The following ASB2 variants were observed in gnomAD, a reference collection of about 807,000 sequenced individuals.
ASB2 encodes the protein ankyrin repeat and SOCS box containing 2.
Under a neutral mutation model 62.4 loss-of-function variants are expected in ASB2, and 58 were observed. The observed-to-expected ratio is 0.93, with a 90% CI of 0.75 to 1.16. The LOEUF (loss-of-function observed/expected upper bound fraction) is 1.16. Ranked by LOEUF, ASB2 falls within the 50% of genes most tolerant of loss-of-function variation. ASB2 has a pLI of 0.00. For missense variants in ASB2, 928 were observed against 887.9 expected (o/e 1.05, Z -0.57); for synonymous variants, 386 against 385.3 (o/e 1.00, Z -0.02).
At position 93,956,795 on chromosome 14, in the gene ASB2, G is replaced by A. The variant is rs767356431; in HGVS notation, c.282C>T (p.Ser94=). Residue 94 remains serine, a synonymous_variant, in exon 3 of 10, where the codon AGC becomes AGT. Transcript: ENST00000555019. The part of the protein sequence containing the change: ...GLFQGVMQKY[S]SSLFKTSQLA... ...GCTGGGAGGTCTTGAACAAGCTGCTGCTGTATTTCTGCATGACCCCTTGGA... is the reference window on the plus strand; with the variant it reads ...GCTGGGAGGTCTTGAACAAGCTGCTACTGTATTTCTGCATGACCCCTTGGA... The A allele has an allele frequency of 5.0e-6, 8 of 1,614,222 alleles. No individual in the cohort carries two copies. In the African/African-American group the frequency reaches 5.3e-5, roughly 11 times the overall value.
intron 9 of ASB2, 45 bp downstream of exon 9, chr14:93,937,653 A>C (rs769471699): frequency 7.5e-5 from 119 of 1,581,860 alleles, no homozygotes; most frequent in Non-Finnish European, 9.4e-5. Flanking sequence ...ACTCTGAGTC[A>C]GGCAGGGAGA....
At chr14:93,939,022 C>G in intron 8 of ASB2, 86 bp downstream of exon 8, 1 of 1,243,764 alleles carries the variant, frequency 8.0e-7, no homozygotes, top group East Asian at 2.9e-5. Flanking sequence ...CGCGAACCAC[C>G]CGGCCCCGCC....
chr14:93,934,700 G>A lies in ASB2; in HGVS notation c.1864C>T (p.Pro622Ser). ...TTCAGGTATCTAATCAGCCTGCCTG[G>A]GAGCGGCAAGGTGTCTAGGAGTTTT... The part of the protein sequence containing the change: ...RIKLLDTLPL[P>S]GRLIRYLKYE... The change falls in exon 10 of 10, where the codon CCA becomes TCA. Residue 622 changes from proline (P) to serine (S), a missense_variant. Transcript: ENST00000555019. The A allele has an allele frequency of 5.6e-6, 9 of 1,614,146 alleles. No homozygotes were observed. The highest frequency in any genetic ancestry group is 7.6e-6 in the Non-Finnish European group (9 of 1,179,980).
chr14:93,957,356 C>A (rs552114914), intron 2 of ASB2: 1 of 1,026,126 alleles, frequency 9.7e-7, no homozygotes, highest in Non-Finnish European at 1.2e-6. Context: ...CTGTGCCCCC[C>A]ACGCCCACCT....
chr14:93,942,197 C>T (rs1166301769), intron 7 of ASB2: 1 of 455,982 alleles, frequency 2.2e-6, no homozygotes, highest in Non-Finnish European at 4.4e-6. Flanking sequence ...ACTTCTCCCA[C>T]AGGCACGTTT....
At position 93,939,363 on chromosome 14, in the gene ASB2, C is replaced by T; in HGVS notation, c.1362G>A (p.Leu454=). The T allele has an allele frequency of 6.2e-7, 1 of 1,612,812 alleles. No homozygotes were observed. Among genetic ancestry groups the T allele is most frequent in the South Asian group, 1.1e-5 (1 of 91,022 alleles). ...GGTCCAGCAGCAGCTGCATTGTGCG[C>T]AGGCAGCCGTGGCGGATGGCCACGA... is the stretch of plus-strand genomic sequence containing the variant. The part of the protein sequence containing the change: ...PLLVAIRHGC[L]RTMQLLLDHG... The change falls in exon 8 of 10, where the codon CTG becomes CTA. Residue 454 remains leucine (L), a synonymous_variant. Transcript: ENST00000555019.
chr14:93,953,210 A>G, intron 5 of ASB2, 142 bp downstream of exon 5: 1 of 730,460 alleles, frequency 1.4e-6, no homozygotes, highest in East Asian at 2.7e-5. Flanking sequence ...ACATGCAGGA[A>G]TGAATGATTC....
chr14:93,939,529 A>G lies in ASB2; in HGVS notation c.1196T>C (p.Leu399Pro). The change falls in exon 8 of 10, where the codon CTG becomes CCG. Residue 399 changes from leucine to proline, a missense_variant. Transcript: ENST00000555019. ...GTAGAGGCGCGCGCGCTCGGGGGCC[A>G]GCGGCGTGTTCACGTCGAAGCGCGC... ...LSARFDVNTP[L>P]APERARLYED... 6.2e-7 allele frequency: 1 copy of G among 1,604,154 alleles called. No individual in the cohort carries two copies. The highest frequency in any genetic ancestry group is 1.1e-5 in the South Asian group (1 of 90,422).
chr14:93,976,551 G>A lies in ASB2; in HGVS notation c.-191C>T, dbSNP rs986084054. The A allele has an allele frequency of 6.6e-6, 1 of 152,222 alleles. No homozygotes were observed. The highest frequency in any genetic ancestry group is 2.4e-5 in the African/African-American group (1 of 41,450). 9.4% of individuals were successfully genotyped at this position (152,222 alleles called of 1,614,324 possible). ...CTTCTGCCCTGGCCCCAAGCTTCTG[G>A]CTGCTCTGCCAGGCAGTTCTGAAAC... On this transcript the variant is annotated 5_prime_UTR_variant, in exon 1 of 10. Transcript: ENST00000555019.
chr14:93,970,187 A>T (rs528662192), intron 1 of ASB2, among the ~76,000 whole-genome samples: 1 of 152,254 alleles, frequency 6.6e-6, no homozygotes, highest in Non-Finnish European at 1.5e-5. Flanking sequence ...CAGATGTCTT[A>T]GCAGAAAACT....
chr14:93,953,629 C>G, intron 4 of ASB2, 122 bp from the exon 5 acceptor site: 1 of 864,486 alleles, frequency 1.2e-6, no homozygotes. Context: ...AATTTACCAA[C>G]TACAGACTGC....
chr14:93,946,920 G>C lies in ASB2; in HGVS notation c.1052+429C>G, dbSNP rs944009659. Among the ~76,000 whole-genome samples, 6 of 152,300 alleles carry C rather than the reference G, an allele frequency of 3.9e-5. No individual in the cohort carries two copies. In the East Asian group the frequency reaches 1.2e-3, roughly 29 times the overall value. ...GCTCAGACTCATATCTGCCCCCCAGGATAGAATTCCTGTAGCTGTGACCTT... is the reference window on the plus strand; with the variant it reads ...GCTCAGACTCATATCTGCCCCCCAGCATAGAATTCCTGTAGCTGTGACCTT... On this transcript the variant is annotated intron_variant, in intron 7 of 9. Coordinates refer to ENST00000555019, the MANE Select transcript of ASB2 (RefSeq NM_001202429.2).
chr14:93,943,261 C>A (rs1888599911), intron 7 of ASB2, among the ~76,000 whole-genome samples: 1 of 152,252 alleles, frequency 6.6e-6, no homozygotes, highest in Non-Finnish European at 1.5e-5. Context: ...ACCACCACAA[C>A]TGCAGCCTAC....
At chr14:93,973,292 A>G (rs118013187) in intron 1 of ASB2, among the ~76,000 whole-genome samples, 2 of 152,196 alleles carry the variant, frequency 1.3e-5, no homozygotes, top group African/African-American at 4.8e-5. Flanking sequence ...TGCTGATCCA[A>G]ATCTTGGTGA....
chr14:93,939,494 G>T lies in ASB2; in HGVS notation c.1231C>A (p.Arg411Ser), dbSNP rs757932080. The T allele has an allele frequency of 1.2e-6, 2 of 1,610,898 alleles. No homozygotes were observed. Among genetic ancestry groups the T allele is most frequent in the Non-Finnish European group, 1.7e-6 (2 of 1,178,986 alleles). ...ACCGCGAAGTACAGCGCGGAGCTGCGCCGGTCTTCGTAGAGGCGCGCGCGC... is the reference window on the plus strand; with the variant it reads ...ACCGCGAAGTACAGCGCGGAGCTGCTCCGGTCTTCGTAGAGGCGCGCGCGC... ...PERARLYEDR[R>S]SSALYFAVVN... The change falls in exon 8 of 10, where the codon CGC becomes AGC. Residue 411 changes from arginine to serine, a missense_variant. Transcript: ENST00000555019.
chr14:93,943,513 G>A (rs1888610109), intron 7 of ASB2, among the ~76,000 whole-genome samples: 1 of 152,180 alleles, frequency 6.6e-6, no homozygotes, highest in African/African-American at 2.4e-5. Flanking sequence ...GCACAGTGGT[G>A]GACACCTGTA....
intron 2 of ASB2, among the ~76,000 whole-genome samples, chr14:93,957,582 A>T (rs1030286736): frequency 6.6e-6 from 1 of 152,166 alleles, no homozygotes; most frequent in Non-Finnish European, 1.5e-5. Context: ...AGGTGGCATG[A>T]AAACAGCCTG....
chr14:93,937,325 G>C (rs1277924116), intron 9 of ASB2, among the ~76,000 whole-genome samples: 2 of 152,124 alleles, frequency 1.3e-5, no homozygotes, highest in Admixed American at 1.3e-4. Context: ...AGACATCCTA[G>C]ACCACCATCC....
At chr14:93,940,860 A>G (rs1343000282) in intron 7 of ASB2, among the ~76,000 whole-genome samples, 2 of 151,994 alleles carry the variant, frequency 1.3e-5, no homozygotes, top group Non-Finnish European at 2.9e-5. Context: ...AAGGTATGTG[A>G]CTCCTCCAAG....
Sources: allele counts gnomAD v4.1 joint callset (sites outside exome capture counted in the v4.1 genomes callset), GRCh38; gene constraint gnomAD v4.1.1; transcripts MANE v1.5; gene names NCBI Gene and HGNC (gene_info 2026-07-23, HGNC 2026-07-21).